The following DGKB variants were observed in gnomAD, a reference collection of about 807,000 sequenced individuals.
DGKB encodes the protein diacylglycerol kinase beta, also known as 90 kDa diacylglycerol kinase.
In DGKB, 67 loss-of-function variants were observed where a neutral mutation model predicts 114.3. The observed-to-expected ratio is 0.59, with a 90% CI of 0.48 to 0.72. DGKB has a LOEUF of 0.72. Among genes scored for constraint, DGKB ranks in the 30% least tolerant of loss-of-function variants. The pLI, the probability that DGKB is intolerant of heterozygous loss-of-function variation, is 0.00. For missense variants in DGKB, 907 were observed against 975.2 expected, an observed-to-expected ratio of 0.93 and a Z score of 0.93; for synonymous variants, 398 against 323.1, an observed-to-expected ratio of 1.23 and a Z score of -2.49.
At chr7:14,919,719 G>C (rs1167148482) in intron 1 of DGKB, among the ~76,000 whole-genome samples, 1 of 152,188 alleles carries the variant, frequency 6.6e-6, no homozygotes, top group Non-Finnish European at 1.5e-5. Flanking sequence ...TGGAGGTGGG[G>C]CATAGTGGAA....
At chr7:14,272,614 T>C (rs920778713) in intron 23 of DGKB, among the ~76,000 whole-genome samples, 5 of 152,202 alleles carry the variant, frequency 3.3e-5, no homozygotes, top group African/African-American at 1.2e-4. Context: ...TAACTGTATC[T>C]ATGGTCACTC....
At chr7:14,380,902 G>T (rs1385205613) in intron 21 of DGKB, among the ~76,000 whole-genome samples, 1 of 152,174 alleles carries the variant, frequency 6.6e-6, no homozygotes, top group Non-Finnish European at 1.5e-5. Context: ...TTGATACATG[G>T]CAAAAGGAAC....
chr7:14,921,351 A>G (rs372778464), intron 1 of DGKB, among the ~76,000 whole-genome samples: 2 of 152,264 alleles, frequency 1.3e-5, no homozygotes, highest in African/African-American at 4.8e-5. Context: ...GGTATATACA[A>G]ATTCGGAACT....
At chr7:14,531,881 C>CAAT (rs1423970454) in intron 20 of DGKB, among the ~76,000 whole-genome samples, 4 of 150,116 alleles carry the variant, frequency 2.7e-5, no homozygotes, top group Non-Finnish European at 6.0e-5. Context: ...TATTTATGGT[C>CAAT]AATAGATTTT....
At chr7:14,648,866 G>A (rs1004848304) in intron 13 of DGKB, among the ~76,000 whole-genome samples, 2 of 135,298 alleles carry the variant, frequency 1.5e-5, no homozygotes, top group Non-Finnish European at 3.2e-5. Context: ...CTCAGGAGCT[G>A]ATGCGATCAA....
chr7:14,570,857 G>A (rs539095859), intron 20 of DGKB, among the ~76,000 whole-genome samples: 12 of 152,144 alleles, frequency 7.9e-5, no homozygotes, highest in South Asian at 2.1e-4. Context: ...GACCAGTGCC[G>A]TTCAAACCTG....
At chr7:14,291,676 A>G (rs185074754) in intron 23 of DGKB, among the ~76,000 whole-genome samples, 104 of 152,302 alleles carry the variant, frequency 6.8e-4, no homozygotes, top group African/African-American at 2.4e-3. Context: ...GACCCAGACA[A>G]AAGTCCCAAA....
rs371434037 is a variant in DGKB at position 14,460,214 on chromosome 7, C to A, written c.1835+17947G>T. 1.4e-4 allele frequency among the ~76,000 whole-genome samples: 22 copies of A among 152,202 alleles called. No individual in the cohort carries two copies. The South Asian group carries it at 4.6e-3, about 32-fold the overall frequency. ...ACTAACAGGCAAAATATCAAGCTAGCATTATCATGACAGGATCAAATTCAC... is the reference window on the plus strand; with the variant it reads ...ACTAACAGGCAAAATATCAAGCTAGAATTATCATGACAGGATCAAATTCAC... On this transcript the variant is annotated intron_variant, in intron 21 of 25. Transcript: ENST00000402815.
intron 21 of DGKB, among the ~76,000 whole-genome samples, chr7:14,411,436 A>C (rs967925590): frequency 1.3e-4 from 20 of 152,320 alleles, no homozygotes; most frequent in African/African-American, 4.8e-4. Context: ...GGAGTAAAGA[A>C]CTATAAATTA....
chr7:14,973,767 TAATTGACCAAAATA>T (rs1787634306), intron 1 of DGKB, among the ~76,000 whole-genome samples: 1 of 149,366 alleles, frequency 6.7e-6, no homozygotes, highest in African/African-American at 2.4e-5. Context: ...CACATTGTCT[TAATTGACCAAAATA>T]AATAGTAAAA....
chr7:14,291,787 A>G (rs1055092673), intron 23 of DGKB, among the ~76,000 whole-genome samples: 2 of 152,170 alleles, frequency 1.3e-5, no homozygotes, highest in Non-Finnish European at 2.9e-5. Flanking sequence ...TACCACCATT[A>G]TGAGTGAGAT....
At chr7:14,772,822 G>T (rs1470027977) in intron 2 of DGKB, among the ~76,000 whole-genome samples, 1 of 152,018 alleles carries the variant, frequency 6.6e-6, no homozygotes, top group African/African-American at 2.4e-5. Flanking sequence ...CTTGTACTTG[G>T]ACATAGCCAG....
In DGKB at chr7:14,574,277, C is replaced by A; in HGVS notation, c.1705G>T (p.Asp569Tyr). 6.2e-7 allele frequency: 1 copy of A among 1,613,256 alleles called. No homozygotes were observed. The highest frequency in any genetic ancestry group is 1.7e-4 in the Middle Eastern group (1 of 6,058). Residue 569 changes from aspartate to tyrosine, a missense_variant, in exon 20 of 26, where the codon GAC becomes TAC. Physicochemically the swap from Asp to Tyr is radical, Grantham distance 160. Transcript: ENST00000402815. ...DRWKFEVIPN[D>Y]KDEKGDPVPY... ...ACTGGGTCTCCTTTCTCATCTTTGT[C>A]ATTAGGTATGACTTCAAACTTCCAC...
chr7:14,584,315 A>G (rs1055282331), intron 17 of DGKB, among the ~76,000 whole-genome samples: 5 of 152,194 alleles, frequency 3.3e-5, no homozygotes, highest in African/African-American at 1.2e-4. Context: ...TGTATTTAAC[A>G]TTAGTTGAAG....
At chr7:14,377,676 C>G (rs1409600121) in intron 21 of DGKB, among the ~76,000 whole-genome samples, 1 of 152,182 alleles carries the variant, frequency 6.6e-6, no homozygotes, top group Non-Finnish European at 1.5e-5. Flanking sequence ...GTATACCTAG[C>G]TTGGCCCCCA....
intron 23 of DGKB, among the ~76,000 whole-genome samples, chr7:14,300,811 C>A (rs1451975142): frequency 6.6e-6 from 1 of 152,078 alleles, no homozygotes; most frequent in Non-Finnish European, 1.5e-5. Flanking sequence ...TTATTTCTGT[C>A]ATCAACAATG....
At chr7:14,327,625 G>A (rs1808977286) in intron 23 of DGKB, among the ~76,000 whole-genome samples, 1 of 151,936 alleles carries the variant, frequency 6.6e-6, no homozygotes, top group Non-Finnish European at 1.5e-5. Flanking sequence ...TACAATTACT[G>A]TCTTTTTAAA....
At chr7:14,457,787 C>T (rs1275264315) in intron 21 of DGKB, among the ~76,000 whole-genome samples, 2 of 152,156 alleles carry the variant, frequency 1.3e-5, no homozygotes, top group Non-Finnish European at 2.9e-5. Context: ...TTAGCATTTA[C>T]AACAGACTCT....
intron 20 of DGKB, among the ~76,000 whole-genome samples, chr7:14,554,586 A>T (rs1795602556): frequency 6.6e-6 from 1 of 152,108 alleles, no homozygotes; most frequent in South Asian, 2.1e-4. Flanking sequence ...ATACTATCAC[A>T]TAATAAAATA....
Sources: allele counts gnomAD v4.1 joint callset (sites outside exome capture counted in the v4.1 genomes callset), GRCh38; gene constraint gnomAD v4.1.1; transcripts MANE v1.5; gene names NCBI Gene and HGNC (gene_info 2026-07-23, HGNC 2026-07-21).